EXPH5: variants seen among roughly 807,000 people sequenced by gnomAD.
The protein encoded by EXPH5 is exophilin 5, also known as exophilin-5.
EXPH5 carries 42 observed loss-of-function variants against 41.1 expected under a neutral mutation model. The ratio of observed to expected loss-of-function variants is 1.02; its 90% CI spans 0.80 to 1.32. The LOEUF (loss-of-function observed/expected upper bound fraction) is 1.32, where lower values mean the gene tolerates loss of function less well. Among genes scored for constraint, EXPH5 ranks in the 40% most tolerant of loss-of-function variants. The pLI is 0.00. For missense variants in EXPH5, 2,298 were observed against 2,314.5 expected, an observed-to-expected ratio of 0.99 and a Z score of 0.15; for synonymous variants, 798 against 833.5, an observed-to-expected ratio of 0.96 and a Z score of 0.73.
chr11:108,535,461 G>T (rs1208613918), intron 3 of EXPH5, among the ~76,000 whole-genome samples: 3 of 152,066 alleles, frequency 2.0e-5, no homozygotes, highest in Non-Finnish European at 4.4e-5. Flanking sequence ...GACTTCTCCT[G>T]CAATCTAGGT....
chr11:108,530,150 C>T (rs2093827810), intron 3 of EXPH5, among the ~76,000 whole-genome samples: 2 of 152,142 alleles, frequency 1.3e-5, no homozygotes, highest in South Asian at 4.1e-4. Context: ...TGGATTTTTC[C>T]ATATAACTCT....
At chr11:108,533,999 T>G (rs1379900739) in intron 3 of EXPH5, among the ~76,000 whole-genome samples, 1 of 152,096 alleles carries the variant, frequency 6.6e-6, no homozygotes, top group African/African-American at 2.4e-5. Flanking sequence ...CTGACTATGT[T>G]GACCAGGCTA....
intron 1 of EXPH5, among the ~76,000 whole-genome samples, chr11:108,547,289 G>A (rs2136047368): frequency 6.6e-6 from 1 of 152,084 alleles, no homozygotes; most frequent in South Asian, 2.1e-4. Flanking sequence ...AAACTCCTGG[G>A]TTCAAATGAT....
intron 1 of EXPH5, among the ~76,000 whole-genome samples, chr11:108,556,699 T>A (rs2093991610): frequency 6.6e-6 from 1 of 152,204 alleles, no homozygotes; most frequent in African/African-American, 2.4e-5. Flanking sequence ...GGTCTCGAAC[T>A]CCTGGCCTCA....
At chr11:108,591,571 C>G (rs1180851022) in intron 1 of EXPH5, among the ~76,000 whole-genome samples, 1 of 152,202 alleles carries the variant, frequency 6.6e-6, no homozygotes, top group Non-Finnish European at 1.5e-5. Context: ...CAATTAAATA[C>G]TTTTAATAAT....
chr11:108,569,322 A>G (rs762546556), intron 1 of EXPH5, among the ~76,000 whole-genome samples: 9 of 151,748 alleles, frequency 5.9e-5, no homozygotes, highest in Non-Finnish European at 1.3e-4. Flanking sequence ...TGAATGTACT[A>G]TTTCTATTTA....
At chr11:108,592,578 C>A (rs2094129927) in intron 1 of EXPH5, among the ~76,000 whole-genome samples, 2 of 152,122 alleles carry the variant, frequency 1.3e-5, no homozygotes, top group African/African-American at 4.8e-5. Context: ...GCGAGAGAGT[C>A]CCTTTAATTC....
At position 108,510,095 on chromosome 11, in the gene EXPH5, G is replaced by C; in HGVS notation, c.5412C>G (p.Gly1804=). ...SKSLKSINVH[G]DLLRKSHPPK... is the part of the protein sequence containing the mutation. ...GAGGATGGCTTTTTCGTAGTAGATC[G>C]CCATGAACATTAATGCTTTTTAAAC... is the stretch of plus-strand genomic sequence containing the variant. Residue 1804 remains glycine (G), a synonymous_variant, in exon 6 of 6, where the codon GGC becomes GGG. Coordinates refer to ENST00000265843, the MANE Select transcript of EXPH5 (RefSeq NM_015065.3). The C allele has an allele frequency of 6.2e-7, 1 of 1,612,960 alleles. No homozygotes were observed. Among genetic ancestry groups the C allele is most frequent in the Non-Finnish European group, 8.5e-7 (1 of 1,179,728 alleles).
intron 3 of EXPH5, among the ~76,000 whole-genome samples, chr11:108,531,101 T>C (rs1457242714): frequency 6.6e-6 from 1 of 152,198 alleles, no homozygotes; most frequent in Non-Finnish European, 1.5e-5. Context: ...CAAGTTCTAT[T>C]GATGCTGTAT....
At chr11:108,601,194 A>T in the EXPH5 span, among the ~76,000 whole-genome samples, 1 of 152,200 alleles carries the variant, frequency 6.6e-6, no homozygotes, top group Non-Finnish European at 1.5e-5. Context: ...AAAACCTATT[A>T]AACTAATTAT....
At chr11:108,561,257 A>G (rs2094010510) in intron 1 of EXPH5, among the ~76,000 whole-genome samples, 1 of 152,190 alleles carries the variant, frequency 6.6e-6, no homozygotes, top group Admixed American at 6.5e-5. Flanking sequence ...ATTAATAATG[A>G]TCTTAGATTT....
At chr11:108,596,058 C>A (rs962607463), upstream of EXPH5, among the ~76,000 whole-genome samples, 1 of 151,870 alleles carries the variant, frequency 6.6e-6, no homozygotes, top group Admixed American at 6.6e-5. Context: ...AAAATTAGCC[C>A]AGCATGTGCA....
the EXPH5 span, among the ~76,000 whole-genome samples, chr11:108,601,968 C>T: frequency 1.8e-3 from 273 of 152,164 alleles, 2 homozygotes; most frequent in East Asian, 0.045. Context: ...AGGCTGGTCT[C>T]GAACTCCTGG....
intron 1 of EXPH5, among the ~76,000 whole-genome samples, chr11:108,551,253 C>T (rs2093963481): frequency 6.6e-6 from 1 of 152,108 alleles, no homozygotes; most frequent in South Asian, 2.1e-4. Flanking sequence ...TATTATTAAC[C>T]CCACTAAGAA....
chr11:108,572,684 G>A (rs1357579720), intron 1 of EXPH5, among the ~76,000 whole-genome samples: 1 of 151,984 alleles, frequency 6.6e-6, no homozygotes, highest in African/African-American at 2.4e-5. Context: ...TCAGCCTCCC[G>A]AATAGCTGGG....
intron 3 of EXPH5, among the ~76,000 whole-genome samples, chr11:108,538,752 A>T (rs1165798132): frequency 6.6e-6 from 1 of 152,206 alleles, no homozygotes; most frequent in Non-Finnish European, 1.5e-5. Context: ...AAAAACTGGC[A>T]ATCATTATTT....
intron 1 of EXPH5, among the ~76,000 whole-genome samples, chr11:108,552,542 G>C (rs1284546001): frequency 6.6e-6 from 1 of 152,136 alleles, no homozygotes; most frequent in African/African-American, 2.4e-5. Flanking sequence ...AGCCAAGCTG[G>C]ATAATAAAGC....
intron 3 of EXPH5, among the ~76,000 whole-genome samples, chr11:108,533,617 T>C (rs1232204282): frequency 2.0e-5 from 3 of 152,160 alleles, no homozygotes; most frequent in Non-Finnish European, 4.4e-5. Flanking sequence ...GACCCTAATT[T>C]TGCCCCCTCA....
Position 108,511,882 on chromosome 11 carries a change from C to T in EXPH5, c.3625G>A (p.Asp1209Asn), listed in dbSNP as rs911732650. 1.9e-6 allele frequency: 3 copies of T among 1,587,922 alleles called. No homozygotes were observed. In the African/African-American group the frequency reaches 4.1e-5, roughly 22 times the overall value. ...RRSVFALSNEDPLPFCSDLSG... is the reference protein window; with the variant it reads ...RRSVFALSNENPLPFCSDLSG... Reference sequence around the variant, plus strand: ...AAGTCTGAGCAAAAAGGTAAAGGGTCTTCATTTGAAAGAGCAAATACACTT... The same window carrying T: ...AAGTCTGAGCAAAAAGGTAAAGGGTTTTCATTTGAAAGAGCAAATACACTT... The change falls in exon 6 of 6, where the codon GAC (aspartate) becomes AAC (asparagine). Residue 1209 changes from aspartate (D) to asparagine (N), a missense_variant. Coordinates refer to ENST00000265843, the MANE Select transcript of EXPH5 (RefSeq NM_015065.3).
Sources: allele counts gnomAD v4.1 joint callset (sites outside exome capture counted in the v4.1 genomes callset), GRCh38; gene constraint gnomAD v4.1.1; transcripts MANE v1.5; gene names NCBI Gene and HGNC (gene_info 2026-07-23, HGNC 2026-07-21).